CAMSAP1: variants seen among roughly 807,000 people sequenced by gnomAD.
CAMSAP1 encodes the protein calmodulin-regulated spectrin-associated protein 1.
CAMSAP1 carries 58 observed loss-of-function variants against 143.5 expected under a neutral mutation model. The observed-to-expected ratio is 0.40, with a 90% CI of 0.33 to 0.50. The LOEUF (loss-of-function observed/expected upper bound fraction) is 0.50. CAMSAP1 is among the 20% of genes least tolerant of loss of function. The probability of loss-of-function intolerance (pLI) is 0.45; values close to 1 mark genes in which losing one functional copy is unlikely to be tolerated. For synonymous variants in CAMSAP1, 945 were observed against 859.3 expected (o/e 1.10, Z -1.74); for missense variants, 1,969 against 2,115.7 (o/e 0.93, Z 1.36).
intron 7 of CAMSAP1, among the ~76,000 whole-genome samples, chr9:135,844,558 A>G (rs1450023563): frequency 2.0e-5 from 3 of 152,094 alleles, no homozygotes; most frequent in East Asian, 3.9e-4. Context: ...AAGCAAGAGC[A>G]ACGAAATTCA....
intron 7 of CAMSAP1, among the ~76,000 whole-genome samples, chr9:135,842,925 T>G (rs1283054296): frequency 6.6e-6 from 1 of 152,184 alleles, no homozygotes; most frequent in Non-Finnish European, 1.5e-5. Flanking sequence ...ATGAAGAAAC[T>G]GCATCAACTA....
chr9:135,823,314 C>A, intron 10 of CAMSAP1, 54 bp from the exon 11 acceptor site: 1 of 1,504,966 alleles, frequency 6.6e-7, no homozygotes, highest in South Asian at 1.4e-5. Context: ...CAAAGACCCC[C>A]AACATGGACC....
chr9:135,820,031 AC>A lies in CAMSAP1; in HGVS notation c.3822+807del, dbSNP rs1172680971. Among the ~76,000 whole-genome samples, 2 of 152,126 alleles carry A rather than the reference AC, an allele frequency of 1.3e-5. No individual in the cohort carries two copies. The highest frequency in any genetic ancestry group is 4.8e-5 in the African/African-American group (2 of 41,410). ...GTTGCGTGTCGCTTGCCGAGAGAAA[AC>A]GTTCTGAGAAATAGGTCCTCAGGTG... is the stretch of plus-strand genomic sequence containing the variant. On this transcript the variant is annotated intron_variant, in intron 11 of 16. Coordinates refer to ENST00000389532, the MANE Select transcript of CAMSAP1 (RefSeq NM_015447.4). This position sits in a 1 kb window ranked among gnomAD's most constrained non-coding sequence, Gnocchi z 4.4.
chr9:135,817,936 G>GTC (rs753509206), intron 14 of CAMSAP1, 41 bp downstream of exon 14: 2 of 1,563,314 alleles, frequency 1.3e-6, no homozygotes, highest in East Asian at 4.5e-5. Flanking sequence ...CCCTCCGAAC[G>GTC]TCCTCCAGCC....
intron 3 of CAMSAP1, among the ~76,000 whole-genome samples, chr9:135,870,720 A>G (rs992537548): frequency 2.0e-5 from 3 of 152,330 alleles, no homozygotes; most frequent in African/African-American, 7.2e-5. Context: ...CCTTAAACCC[A>G]GGAGGCAGAG....
chr9:135,822,459 G>T lies in CAMSAP1; in HGVS notation c.2202C>A (p.Leu734=). 1 of 1,613,634 alleles carries T rather than the reference G, an allele frequency of 6.2e-7. No individual in the cohort carries two copies. The highest frequency in any genetic ancestry group is 8.5e-7 in the Non-Finnish European group (1 of 1,179,904). ...NSHDSEPWTL[L]RQDSDSDVVD... ...CCACATCCGAGTCAGAATCCTGCCT[G>T]AGGAGAGTCCACGGCTCTGAATCGT... The change falls in exon 11 of 17, where the codon CTC becomes CTA. Residue 734 remains leucine (L), a synonymous_variant. Transcript: ENST00000389532. This position sits in a 1 kb window ranked among gnomAD's most constrained non-coding sequence, Gnocchi z 6.1.
Position 135,815,175 on chromosome 9 carries a change from CTTGT to C in CAMSAP1, c.4424_4427del (p.Asn1475SerfsTer17). 1 of 1,613,796 alleles carries C rather than the reference CTTGT, an allele frequency of 6.2e-7. No individual in the cohort carries two copies. On this transcript the variant is annotated frameshift_variant, in exon 16 of 17. Transcript: ENST00000389532. LOFTEE classifies it high-confidence loss of function. ...GGGATATGGCATTGTGAATAATCGG[CTTGT>C]TTGATTTACTACTGGGCTCCTTAAA...
At chr9:135,860,514 C>T (rs1564445218) in intron 5 of CAMSAP1, among the ~76,000 whole-genome samples, 1 of 147,676 alleles carries the variant, frequency 6.8e-6, no homozygotes, top group African/African-American at 2.5e-5. Flanking sequence ...GGGAGAATCG[C>T]TTGAACCTGG....
In CAMSAP1 at chr9:135,809,926, T is replaced by C. The variant is rs1834981741; in HGVS notation, c.*1383A>G. On this transcript the variant is annotated 3_prime_UTR_variant, in exon 17 of 17. Transcript: ENST00000389532. ...ACGACTCACTCATGTTTTTTGTCTA[T>C]CTAAAATTATGTAACAGTTAAATTT... 6.8e-6 allele frequency: 1 copy of C among 147,132 alleles called. No individual in the cohort carries two copies. The highest frequency in any genetic ancestry group is 1.5e-5 in the Non-Finnish European group (1 of 68,032). The allele number at this position is 147,132 out of a possible 1,614,324, so 9.1% of individuals were successfully genotyped here. A position where few individuals can be genotyped will look rare whatever the true frequency, so the allele number is the denominator to read the frequency against.
intron 16 of CAMSAP1, among the ~76,000 whole-genome samples, chr9:135,813,334 GC>G (rs1288815775): frequency 6.6e-6 from 1 of 152,202 alleles, no homozygotes; most frequent in African/African-American, 2.4e-5. Context: ...TATTTATTTG[GC>G]TTTAGAAAAG....
chr9:135,895,343 G>A (rs1282270287), intron 1 of CAMSAP1, among the ~76,000 whole-genome samples: 1 of 152,088 alleles, frequency 6.6e-6, no homozygotes, highest in Admixed American at 6.6e-5. Context: ...CAGCCAAAGG[G>A]GAATGGTACG....
Position 135,818,223 on chromosome 9 carries a change from C to A in CAMSAP1, c.4169-144G>T. On this transcript the variant is annotated intron_variant, in intron 13 of 16. Coordinates refer to ENST00000389532, the MANE Select transcript of CAMSAP1 (RefSeq NM_015447.4). This position sits in a 1 kb window ranked among gnomAD's most constrained non-coding sequence, Gnocchi z 7.7. ...CACCCCATCCCGGGGAGCCGGGCTG[C>A]GCCTGGATGTGCCGCACATCTCAGA... 3 of 1,125,606 alleles carry A rather than the reference C, an allele frequency of 2.7e-6. No individual in the cohort carries two copies. The highest frequency in any genetic ancestry group is 1.5e-5 in the South Asian group (1 of 64,908). The allele number at this position is 1,125,606 out of a possible 1,614,324, so 69.7% of individuals were successfully genotyped here.
At chr9:135,825,622 G>A (rs969592878) in intron 8 of CAMSAP1, among the ~76,000 whole-genome samples, 1 of 152,208 alleles carries the variant, frequency 6.6e-6, no homozygotes, top group Non-Finnish European at 1.5e-5. Context: ...CCATGAGACC[G>A]GCACCCAGCA....
At chr9:135,833,816 G>A (rs192962310) in intron 7 of CAMSAP1, among the ~76,000 whole-genome samples, 2 of 152,110 alleles carry the variant, frequency 1.3e-5, no homozygotes, top group African/African-American at 4.8e-5. Flanking sequence ...TAAACCACAG[G>A]AACTACACCA....
At chr9:135,866,321 T>C (rs1290056594) in intron 4 of CAMSAP1, 135 bp downstream of exon 4, 3 of 594,078 alleles carry the variant, frequency 5.0e-6, no homozygotes, top group African/African-American at 1.9e-5. Flanking sequence ...GCCCACCAGG[T>C]GAATCCAAGA....
chr9:135,822,239 C>G lies in CAMSAP1; in HGVS notation c.2422G>C (p.Ala808Pro). Reference protein sequence around the residue: ...TASQMSSVSMASGSVKMTSFA... With the variant: ...TASQMSSVSMPSGSVKMTSFA... ...CTGGTCATCTTCACGCTCCCACTCG[C>G]CATGGAGACACTGCTCATCTGAGAG... Residue 808 changes from alanine (A) to proline (P), a missense_variant, in exon 11 of 17, where the codon GCG becomes CCG. Around this residue, in one of 4 missense-constraint regions of CAMSAP1, gnomAD observed 1,390 missense variants for 1,420.8 expected, o/e 0.98. Transcript: ENST00000389532. This position sits in a 1 kb window ranked among gnomAD's most constrained non-coding sequence, Gnocchi z 6.1. The G allele has an allele frequency of 6.2e-6, 10 of 1,614,014 alleles. No individual in the cohort carries two copies. Among genetic ancestry groups the G allele is most frequent in the Non-Finnish European group, 8.5e-6 (10 of 1,179,904 alleles).
intron 1 of CAMSAP1, among the ~76,000 whole-genome samples, chr9:135,898,088 C>A (rs951873195): frequency 1.4e-4 from 22 of 152,134 alleles, no homozygotes; most frequent in Admixed American, 4.6e-4. Context: ...ATCATTAATA[C>A]AAGTTCCTAG....
chr9:135,843,608 A>G (rs1170617295), intron 7 of CAMSAP1, among the ~76,000 whole-genome samples: 1 of 152,090 alleles, frequency 6.6e-6, no homozygotes, highest in Non-Finnish European at 1.5e-5. Context: ...GCAGTGGTTC[A>G]TGCCTGTAAT....
intron 7 of CAMSAP1, among the ~76,000 whole-genome samples, chr9:135,831,614 A>G (rs1835864940): frequency 6.6e-6 from 1 of 152,206 alleles, no homozygotes; most frequent in African/African-American, 2.4e-5. Context: ...TAGCAGAAGA[A>G]AGGAAATTAT....
Sources: gnomAD v4.1 joint callset for allele counts (sites outside exome capture counted in the v4.1 genomes callset) on GRCh38, gnomAD v4.1.1 for gene constraint, gnomAD v4.1.1 regional missense constraint, Gnocchi (gnomAD v3.1) non-coding constraint, MANE v1.5 for transcripts, NCBI Gene and HGNC (gene_info 2026-07-23, HGNC 2026-07-21) for gene names.